Variants in TBL1X observed in about 807,000 individuals in gnomAD.
The protein encoded by TBL1X is transducin beta like 1 X-linked.
TBL1X carries 10 observed loss-of-function variants against 50.7 expected under a neutral mutation model. The observed-to-expected ratio is 0.20, with a 90% confidence interval of 0.12 to 0.33. The LOEUF (loss-of-function observed/expected upper bound fraction) is 0.33, where lower values mean the gene tolerates loss of function less well. TBL1X is among the 10% of genes least tolerant of loss of function. The pLI is 1.00. For synonymous variants in TBL1X, 190 were observed against 214.7 expected (o/e 0.88, Z 1.01); for missense variants, 340 against 504.4 (o/e 0.67, Z 3.12).
intron 2 of TBL1X, among the ~76,000 whole-genome samples, chrX:9,532,170 T>G (rs2082165624): frequency 8.9e-6 from 1 of 111,810 alleles, no homozygotes; most frequent in South Asian, 3.8e-4. Flanking sequence ...GGTGGACATT[T>G]AGTCTGCATG....
intron 2 of TBL1X, among the ~76,000 whole-genome samples, chrX:9,526,252 TTCC>T (rs2082132280): frequency 9.0e-6 from 1 of 111,721 alleles, no homozygotes; most frequent in Non-Finnish European, 1.9e-5. Flanking sequence ...CTTTACTGAA[TTCC>T]TCCTTACTTA....
At chrX:9,713,421 C>CTTTTTTTTTTTTTT (rs757107084) in intron 16 of TBL1X, among the ~76,000 whole-genome samples, 1 of 87,570 alleles carries the variant, frequency 1.1e-5, no homozygotes. Context: ...ATCCTTAGGA[C>CTTTTTTTTTTTTTT]TTTTCTTTTT....
chrX:9,605,744 G>T (rs773014098), intron 2 of TBL1X, among the ~76,000 whole-genome samples: 1 of 112,518 alleles, frequency 8.9e-6, no homozygotes, highest in Admixed American at 9.3e-5. Flanking sequence ...CTAATTTGTT[G>T]TGGCAAGACA....
chrX:9,681,698 G>A (rs1033526080), intron 5 of TBL1X, among the ~76,000 whole-genome samples: 1 of 112,703 alleles, frequency 8.9e-6, no homozygotes, highest in East Asian at 2.8e-4. Context: ...GTCAGGTGCC[G>A]TCATCAGCAC....
At chrX:9,706,133 C>T (rs1212372287) in intron 13 of TBL1X, among the ~76,000 whole-genome samples, 1 of 112,016 alleles carries the variant, frequency 8.9e-6, no homozygotes, top group East Asian at 2.8e-4. Flanking sequence ...ACCTCTGCAT[C>T]AGGGATGACA....
At chrX:9,586,123 A>G (rs1026868995) in intron 2 of TBL1X, among the ~76,000 whole-genome samples, 1 of 112,424 alleles carries the variant, frequency 8.9e-6, no homozygotes, top group African/African-American at 3.2e-5. Context: ...CAGATGATCC[A>G]GCAAATCCAC....
intron 1 of TBL1X, among the ~76,000 whole-genome samples, chrX:9,480,079 G>C (rs767160620): frequency 1.1e-4 from 12 of 109,822 alleles, no homozygotes; most frequent in Non-Finnish European, 2.1e-4. Flanking sequence ...GCCTCCCCCC[G>C]GCGTAGCTGA....
chrX:9,684,251 A>T, intron 6 of TBL1X, 63 bp downstream of exon 6: 2 of 1,179,238 alleles, frequency 1.7e-6, no homozygotes, highest in African/African-American at 1.8e-5. Context: ...GGAGCTTGGA[A>T]CACATTGGAA....
intron 2 of TBL1X, among the ~76,000 whole-genome samples, chrX:9,551,378 T>C (rs771298795): frequency 9.0e-6 from 1 of 111,049 alleles, no homozygotes; most frequent in African/African-American, 3.3e-5. Context: ...CACGTTCTCA[T>C]GCATTCTTCA....
Position 9,692,731 on chromosome X carries a change from A to G in TBL1X, c.892-418A>G, listed in dbSNP as rs201402915. Among the ~76,000 whole-genome samples, 189 of 112,841 alleles carry G rather than the reference A, an allele frequency of 1.7e-3. 1 individual carries two copies. Among genetic ancestry groups the G allele is most frequent in the African/African-American group, 5.9e-3 (184 of 31,108 alleles). On this transcript the variant is annotated intron_variant, in intron 9 of 17. Transcript: ENST00000645353. The stretch of plus-strand genomic sequence containing the variant: ...CCAGTCTTGGCTTCTAAGAGCTATT[A>G]ACAAGGCTGCATTTGGCAGGCAGTG...
intron 2 of TBL1X, among the ~76,000 whole-genome samples, chrX:9,609,418 G>T (rs983780540): frequency 3.7e-5 from 4 of 107,134 alleles, no homozygotes; most frequent in Non-Finnish European, 7.7e-5. Context: ...AGGGGTGTGT[G>T]TGTGTGTGTG....
In TBL1X at chrX:9,715,031, A is replaced by G. The variant is rs201413075; in HGVS notation, c.1707+28A>G. On this transcript the variant is annotated intron_variant, in intron 17 of 17. Coordinates refer to ENST00000645353, the MANE Select transcript of TBL1X (RefSeq NM_005647.4). Reference sequence around the variant, plus strand: ...AAGCAACACCTCTGGTTTGCTGGGGAGTGGGGTGTTGGGGGCAGCTGATGC... The same window carrying G: ...AAGCAACACCTCTGGTTTGCTGGGGGGTGGGGTGTTGGGGGCAGCTGATGC... 4 of 1,181,723 alleles carry G rather than the reference A, an allele frequency of 3.4e-6. No homozygotes were observed. The African/African-American group carries it at 7.1e-5, about 21-fold the overall frequency.
At position 9,717,295 on chromosome X, in the gene TBL1X, A is replaced by T. The variant is rs1285163859; in HGVS notation, c.*1049A>T. On this transcript the variant is annotated 3_prime_UTR_variant, in exon 18 of 18. Coordinates refer to ENST00000645353, the MANE Select transcript of TBL1X (RefSeq NM_005647.4). ...ATGTTAAAACAATTTTAAAATCTTA[A>T]AATGGCCATCAGACATAGAGAGCTT... is the stretch of plus-strand genomic sequence containing the variant. The T allele has an allele frequency of 8.9e-6, 1 of 112,442 alleles. No individual in the cohort carries two copies. Among genetic ancestry groups the T allele is most frequent in the Non-Finnish European group, 1.9e-5 (1 of 53,299 alleles). The allele number at this position is 112,442 out of a possible 1,213,427, so 9.3% of individuals were successfully genotyped here. A position where few individuals can be genotyped will look rare whatever the true frequency, so the allele number is the denominator to read the frequency against.
chrX:9,605,170 C>T (rs1019700772), intron 2 of TBL1X, among the ~76,000 whole-genome samples: 1 of 110,494 alleles, frequency 9.1e-6, no homozygotes, highest in Non-Finnish European at 1.9e-5. Flanking sequence ...GATCATCTTC[C>T]AGTGGCAGTG....
chrX:9,509,962 CTG>C (rs1359028589), intron 2 of TBL1X, among the ~76,000 whole-genome samples: 3 of 111,422 alleles, frequency 2.7e-5, no homozygotes, highest in East Asian at 2.8e-4. Flanking sequence ...GATATGGACA[CTG>C]TGAGTTGCTT....
chrX:9,484,160 A>G (rs745748758), intron 1 of TBL1X, among the ~76,000 whole-genome samples: 9 of 109,648 alleles, frequency 8.2e-5, no homozygotes, highest in African/African-American at 3.3e-5. Context: ...GCATGCCACC[A>G]CACCCGGTTA....
intron 2 of TBL1X, among the ~76,000 whole-genome samples, chrX:9,568,025 C>G (rs941612694): frequency 8.9e-6 from 1 of 111,877 alleles, no homozygotes; most frequent in Admixed American, 9.5e-5. Flanking sequence ...TGCTGTGGCA[C>G]GCTGCGTTGA....
At chrX:9,654,705 C>T (rs777970490) in intron 5 of TBL1X, among the ~76,000 whole-genome samples, 16 of 111,612 alleles carry the variant, frequency 1.4e-4, no homozygotes, top group African/African-American at 4.9e-4. Flanking sequence ...CTCCCCTACT[C>T]CCCGCCCCCT....
chrX:9,694,499 C>T (rs992787400), intron 11 of TBL1X, among the ~76,000 whole-genome samples: 4 of 111,031 alleles, frequency 3.6e-5, no homozygotes, highest in African/African-American at 1.3e-4. Context: ...GAGACTGAGG[C>T]GCGAGAATCT....
Sources: gnomAD v4.1 joint callset for allele counts (sites outside exome capture counted in the v4.1 genomes callset) on GRCh38, gnomAD v4.1.1 for gene constraint, MANE v1.5 for transcripts, NCBI Gene and HGNC (gene_info 2026-07-23, HGNC 2026-07-21) for gene names.